The following AIDA variants were observed in gnomAD, a reference collection of about 807,000 sequenced individuals.
AIDA encodes axin interactor, dorsalization-associated protein.
In AIDA, 18 loss-of-function variants were observed where a neutral mutation model predicts 42.7. That is an observed-to-expected ratio of 0.42 (90% CI 0.29 to 0.63). The LOEUF (loss-of-function observed/expected upper bound fraction) is 0.63, where lower values mean the gene tolerates loss of function less well. Ranked by LOEUF, AIDA falls within the 20% of genes least tolerant of loss-of-function variation. The pLI is 0.19. For synonymous variants in AIDA, 104 were observed against 122.9 expected, an observed-to-expected ratio of 0.85 and a Z score of 1.02; for missense variants, 250 against 354.1, an observed-to-expected ratio of 0.71 and a Z score of 2.36.
Position 222,677,977 on chromosome 1 carries a change from T to C in AIDA, c.461-1759A>G, listed in dbSNP as rs144208416. ...TCAGAGTAAATTCCTAGGAACAGGA[T>C]TGCTAAACTAAGAAAAATTGTATAT... is the stretch of plus-strand genomic sequence containing the variant. On this transcript the variant is annotated intron_variant, in intron 6 of 9. Coordinates refer to ENST00000340020, the MANE Select transcript of AIDA (RefSeq NM_022831.4). Among the ~76,000 whole-genome samples, 225 of 152,266 alleles carry C rather than the reference T, an allele frequency of 1.5e-3. 6 individuals carry two copies. The South Asian group carries it at 0.021, about 14-fold the overall frequency.
chr1:222,693,706 T>A, intron 4 of AIDA, 83 bp downstream of exon 4: 1 of 1,185,120 alleles, frequency 8.4e-7, no homozygotes, highest in Non-Finnish European at 1.2e-6. Context: ...AATCAAATCA[T>A]AATCTTTGTT....
chr1:222,696,034 C>T (rs1268209095), intron 2 of AIDA, among the ~76,000 whole-genome samples: 1 of 152,088 alleles, frequency 6.6e-6, no homozygotes, highest in African/African-American at 2.4e-5. Context: ...AGATACGACT[C>T]GATGCCGAAG....
intron 6 of AIDA, among the ~76,000 whole-genome samples, chr1:222,676,967 A>G (rs1474922465): frequency 6.6e-6 from 1 of 151,940 alleles, no homozygotes; most frequent in East Asian, 1.9e-4. Flanking sequence ...TTGAAATTGC[A>G]ATGAAGTTTA....
intron 8 of AIDA, among the ~76,000 whole-genome samples, chr1:222,671,218 ACT>A (rs1253080567): frequency 6.6e-6 from 1 of 151,838 alleles, no homozygotes; most frequent in East Asian, 1.9e-4. Context: ...ACAAAGTGAG[ACT>A]CTGTCTCAAA....
intron 6 of AIDA, among the ~76,000 whole-genome samples, chr1:222,679,466 G>A (rs1399086585): frequency 6.6e-6 from 1 of 152,134 alleles, no homozygotes; most frequent in African/African-American, 2.4e-5. Context: ...TCTTCCATAT[G>A]GAAAAGCTGC....
chr1:222,672,628 G>A (rs2124947491), intron 8 of AIDA, among the ~76,000 whole-genome samples: 1 of 152,302 alleles, frequency 6.6e-6, no homozygotes, highest in South Asian at 2.1e-4. Context: ...TTTTAGTGGG[G>A]GAACAGAGGA....
intron 1 of AIDA, among the ~76,000 whole-genome samples, chr1:222,704,906 G>T (rs1290411744): frequency 1.3e-5 from 2 of 151,972 alleles, no homozygotes; most frequent in Admixed American, 1.3e-4. Flanking sequence ...GTGGGCAATA[G>T]GAACAGGAAT....
chr1:222,699,832 T>C (rs896905092), intron 2 of AIDA, among the ~76,000 whole-genome samples: 4 of 151,692 alleles, frequency 2.6e-5, no homozygotes, highest in Non-Finnish European at 5.9e-5. Flanking sequence ...AGTGCAGTGG[T>C]GCGATCTCGG....
At chr1:222,688,089 G>T (rs145332031) in intron 4 of AIDA, among the ~76,000 whole-genome samples, 31 of 152,168 alleles carry the variant, frequency 2.0e-4, no homozygotes, top group African/African-American at 6.5e-4. Context: ...GCATGGTGGC[G>T]CAGGTCTGTG....
At chr1:222,709,480 A>C (rs1655934246) in intron 1 of AIDA, among the ~76,000 whole-genome samples, 1 of 152,216 alleles carries the variant, frequency 6.6e-6, no homozygotes, top group Non-Finnish European at 1.5e-5. Flanking sequence ...GATTGTGGTA[A>C]GTACCATGGA....
intron 7 of AIDA, among the ~76,000 whole-genome samples, chr1:222,674,883 G>A (rs1326168668): frequency 1.3e-5 from 2 of 152,146 alleles, no homozygotes; most frequent in Non-Finnish European, 2.9e-5. Context: ...GTATGCAAAG[G>A]TAACTTAACA....
rs1482058539 is a variant in AIDA at position 222,668,118 on chromosome 1, A to G, written c.*1775T>C. 1.3e-5 allele frequency: 2 copies of G among 152,202 alleles called. No individual in the cohort carries two copies. The highest frequency in any genetic ancestry group is 2.9e-5 in the Non-Finnish European group (2 of 68,032). The allele number at this position is 152,202 out of a possible 1,614,324, so 9.4% of individuals were successfully genotyped here. On this transcript the variant is annotated 3_prime_UTR_variant, in exon 10 of 10. Coordinates refer to ENST00000340020, the MANE Select transcript of AIDA (RefSeq NM_022831.4). ...TTCATATAAATTATCATTTTGATAT[A>G]CATATCTTATGGTTTATGAGAAAAG... is the stretch of plus-strand genomic sequence containing the variant.
intron 6 of AIDA, among the ~76,000 whole-genome samples, chr1:222,678,024 G>C (rs1465959787): frequency 1.3e-5 from 2 of 152,046 alleles, no homozygotes; most frequent in Non-Finnish European, 2.9e-5. Flanking sequence ...CTGAGCTATT[G>C]CTGAACTCTC....
rs190093293 is a variant in AIDA, at chr1:222,703,127, C to T, written c.180+21G>A. The T allele has an allele frequency of 8.9e-5, 140 of 1,579,002 alleles. No individual in the cohort carries two copies. The African/African-American group carries it at 1.4e-3, about 16-fold the overall frequency. ...ACTTTTTGTTTGGAATCTGATATAT[C>T]TAGAGATTATTTTATGGTACCTTTT... On this transcript the variant is annotated intron_variant, in intron 2 of 9. Coordinates refer to ENST00000340020, the MANE Select transcript of AIDA (RefSeq NM_022831.4).
At chr1:222,697,510 T>C (rs751044403) in intron 2 of AIDA, among the ~76,000 whole-genome samples, 2 of 151,390 alleles carry the variant, frequency 1.3e-5, no homozygotes, top group South Asian at 2.1e-4. Context: ...TCAGAGTATA[T>C]GTACTGACAA....
chr1:222,692,809 A>G (rs1344198174), intron 4 of AIDA, among the ~76,000 whole-genome samples: 1 of 152,212 alleles, frequency 6.6e-6, no homozygotes, highest in Non-Finnish European at 1.5e-5. Flanking sequence ...AGGGTCATGA[A>G]GAGATATGTT....
intron 1 of AIDA, among the ~76,000 whole-genome samples, chr1:222,703,721 C>G (rs1655770677): frequency 6.6e-6 from 1 of 152,152 alleles, no homozygotes; most frequent in Non-Finnish European, 1.5e-5. Context: ...AACATGTTTT[C>G]ATGGAAAATA....
At position 222,692,979 on chromosome 1, in the gene AIDA, C is replaced by T. The variant is rs73124872; in HGVS notation, c.289+810G>A. ...AGTCCAACATACTGCAAGTTATAGT[C>T]ATTAATTTTCCTTAGAAGTGGCTAC... On this transcript the variant is annotated intron_variant, in intron 4 of 9. Transcript: ENST00000340020. 6.4e-3 allele frequency among the ~76,000 whole-genome samples: 978 copies of T among 152,250 alleles called. 11 individuals are homozygous for T. Among genetic ancestry groups the T allele is most frequent in the African/African-American group, 0.022 (928 of 41,542 alleles).
At chr1:222,702,441 A>G (rs867569209) in intron 2 of AIDA, among the ~76,000 whole-genome samples, 50 of 152,126 alleles carry the variant, frequency 3.3e-4, no homozygotes, top group African/African-American at 1.1e-3. Flanking sequence ...GCCAAGAGAT[A>G]ATGGGAGTTG....
Sources: gnomAD v4.1 joint callset for allele counts (sites outside exome capture counted in the v4.1 genomes callset) on GRCh38, gnomAD v4.1.1 for gene constraint, MANE v1.5 for transcripts, NCBI Gene and HGNC (gene_info 2026-07-23, HGNC 2026-07-21) for gene names.